Variants in KCNQ1 observed in about 807,000 individuals in gnomAD.
KCNQ1 encodes the protein potassium voltage-gated channel subfamily Q member 1, also known as potassium voltage-gated channel subfamily KQT member 1.
In KCNQ1, 49 loss-of-function variants were observed where a neutral mutation model predicts 72.4. That is an observed-to-expected ratio of 0.68 (90% CI 0.54 to 0.86). The LOEUF (loss-of-function observed/expected upper bound fraction) is 0.86, where lower values mean the gene tolerates loss of function less well. Ranked by LOEUF, KCNQ1 falls within the 40% of genes least tolerant of loss-of-function variation. The pLI is 0.00. For missense variants in KCNQ1, 790 were observed against 945.1 expected, an observed-to-expected ratio of 0.84 and a Z score of 2.15; for synonymous variants, 450 against 412.6, an observed-to-expected ratio of 1.09 and a Z score of -1.10.
In KCNQ1 at chr11:2,734,017, G is replaced by A. The variant is rs569701586; in HGVS notation, c.1515-34827G>A. Among the ~76,000 whole-genome samples the A allele has an allele frequency of 1.4e-3, 217 of 151,986 alleles. 2 individuals carry two copies. The highest frequency in any genetic ancestry group is 0.012 in the South Asian group (59 of 4,806). On this transcript the variant is annotated intron_variant, in intron 11 of 15. Transcript: ENST00000155840. The surrounding 1 kb of genome is among the most constrained non-coding windows in gnomAD (Gnocchi z 7.0). ...AACATCCTCCTCAGAGCAGTTGCGCGCTCTAAATCAGGACCACCTTGCGGT... is the reference window on the plus strand; with the variant it reads ...AACATCCTCCTCAGAGCAGTTGCGCACTCTAAATCAGGACCACCTTGCGGT...
At position 2,495,095 on chromosome 11, in the gene KCNQ1, A is replaced by AT. The variant is rs1395765871; in HGVS notation, c.387-32827dup. On this transcript the variant is annotated intron_variant, in intron 1 of 15. Coordinates refer to ENST00000155840, the MANE Select transcript of KCNQ1 (RefSeq NM_000218.3). The surrounding 1 kb of genome is among the most constrained non-coding windows in gnomAD (Gnocchi z 4.6). ...GGTGTATGTGTCCAGGAATTTATCC[A>AT]TTTTTTCTAGATTTTCTAGTTTATT... Among the ~76,000 whole-genome samples the AT allele has an allele frequency of 6.6e-6, 1 of 151,602 alleles. No homozygotes were observed. Among genetic ancestry groups the AT allele is most frequent in the East Asian group, 1.9e-4 (1 of 5,174 alleles).
intron 11 of KCNQ1, among the ~76,000 whole-genome samples, chr11:2,755,380 A>T (rs1227194937): frequency 6.6e-6 from 1 of 152,188 alleles, no homozygotes; most frequent in East Asian, 1.9e-4. Flanking sequence ...CTTCCTGAGT[A>T]GCTGGGACTA....
rs916542388 is a variant in KCNQ1, at chr11:2,723,628, C to T, written c.1515-45216C>T. On this transcript the variant is annotated intron_variant, in intron 11 of 15. Transcript: ENST00000155840. The surrounding 1 kb of genome is among the most constrained non-coding windows in gnomAD (Gnocchi z 4.2). ...CAAACTCAGCAGCTCGAAGTAGCAA[C>T]AGCCTCGAATCCCTCACACCTAGCG... Among the ~76,000 whole-genome samples, 1 of 152,228 alleles carries T rather than the reference C, an allele frequency of 6.6e-6. No individual in the cohort carries two copies. The highest frequency in any genetic ancestry group is 1.5e-5 in the Non-Finnish European group (1 of 68,044).
At chr11:2,619,883 G>A (rs867294003) in intron 10 of KCNQ1, 9 of 398,196 alleles carry the variant, frequency 2.3e-5, no homozygotes, top group African/African-American at 1.6e-4. Context: ...GATTTAGAGG[G>A]TATATGTACA....
intron 10 of KCNQ1, chr11:2,618,309 A>G (rs1202236334): frequency 5.0e-6 from 2 of 398,276 alleles, no homozygotes; most frequent in Non-Finnish European, 8.8e-6. Context: ...CTGATGGGCT[A>G]AAAAAATGCA....
At chr11:2,701,024 T>A (rs1850802648) in intron 11 of KCNQ1, among the ~76,000 whole-genome samples, 1 of 152,170 alleles carries the variant, frequency 6.6e-6, no homozygotes, top group Non-Finnish European at 1.5e-5. Context: ...TCTGGGTATG[T>A]TCTCGAAAGT....
chr11:2,751,321 G>T (rs1353876570), intron 11 of KCNQ1, among the ~76,000 whole-genome samples: 1 of 152,198 alleles, frequency 6.6e-6, no homozygotes, highest in Admixed American at 6.5e-5. Context: ...CCCACTTGCA[G>T]AGAAAGCCCC....
In KCNQ1 at chr11:2,567,610, G is replaced by A. The variant is rs538327917; in HGVS notation, c.478-3018G>A. On this transcript the variant is annotated intron_variant, in intron 2 of 15. Transcript: ENST00000155840. This position sits in a 1 kb window ranked among gnomAD's most constrained non-coding sequence, Gnocchi z 6.6. ...CTGTTTCCAGCCTAGAGATGGTGAG[G>A]GGACTTTTCCTTGGCTCTTTCCTGG... is the stretch of plus-strand genomic sequence containing the variant. 6.6e-6 allele frequency among the ~76,000 whole-genome samples: 1 copy of A among 152,316 alleles called. No individual in the cohort carries two copies. Among genetic ancestry groups the A allele is most frequent in the South Asian group, 2.1e-4 (1 of 4,830 alleles).
chr11:2,506,331 T>G (rs1419054494), intron 1 of KCNQ1, among the ~76,000 whole-genome samples: 1 of 152,244 alleles, frequency 6.6e-6, no homozygotes, highest in Non-Finnish European at 1.5e-5. Context: ...AATTTGCTTT[T>G]CTCACGTAAT....
At chr11:2,499,881 G>A (rs1203677417) in intron 1 of KCNQ1, among the ~76,000 whole-genome samples, 1 of 152,204 alleles carries the variant, frequency 6.6e-6, no homozygotes, top group East Asian at 1.9e-4. Flanking sequence ...ATTCTCCTCA[G>A]CACATAGCTC....
At chr11:2,655,592 C>T in intron 10 of KCNQ1, 1 of 398,694 alleles carries the variant, frequency 2.5e-6, no homozygotes, top group South Asian at 1.3e-4. Context: ...GGGTGACAAG[C>T]AAGACCTGTT....
chr11:2,681,085 T>C (rs1850389200), intron 11 of KCNQ1: 4 of 398,508 alleles, frequency 1.0e-5, no homozygotes, highest in Non-Finnish European at 1.8e-5. Context: ...ATTTCACTAA[T>C]GATGTGGTTA....
At chr11:2,570,102 G>GCA (rs1848305076) in intron 2 of KCNQ1, among the ~76,000 whole-genome samples, 2 of 139,132 alleles carry the variant, frequency 1.4e-5, no homozygotes, top group African/African-American at 6.9e-5. Context: ...CGGGGTTCCT[G>GCA]GCGTGGGACC....
chr11:2,472,856 C>T (rs942737693), intron 1 of KCNQ1, among the ~76,000 whole-genome samples: 2 of 152,098 alleles, frequency 1.3e-5, no homozygotes, highest in African/African-American at 4.8e-5. Flanking sequence ...TCCTCAGAGG[C>T]ATGGGGGTGA....
chr11:2,522,211 C>T (rs1044384820), intron 1 of KCNQ1, among the ~76,000 whole-genome samples: 13 of 152,270 alleles, frequency 8.5e-5, no homozygotes, highest in Admixed American at 1.3e-4. Flanking sequence ...CCCCGCCCCC[C>T]GCATGACCAC....
At chr11:2,833,346 C>T (rs902911925) in intron 15 of KCNQ1, among the ~76,000 whole-genome samples, 1 of 152,196 alleles carries the variant, frequency 6.6e-6, no homozygotes, top group Non-Finnish European at 1.5e-5. Context: ...CCTCCCCCCA[C>T]CTGCCCACAT....
In KCNQ1 at chr11:2,682,383, A is replaced by G. The variant is rs1383282369; in HGVS notation, c.1514+20302A>G. 2.5e-6 allele frequency: 1 copy of G among 398,550 alleles called. No individual in the cohort carries two copies. The highest frequency in any genetic ancestry group is 2.1e-5 in the African/African-American group (1 of 48,630). 24.7% of individuals were successfully genotyped at this position (398,550 alleles called of 1,614,324 possible). A position where few individuals can be genotyped will look rare whatever the true frequency, so the allele number is the denominator to read the frequency against. On this transcript the variant is annotated intron_variant, in intron 11 of 15. Coordinates refer to ENST00000155840, the MANE Select transcript of KCNQ1 (RefSeq NM_000218.3). This position sits in a 1 kb window ranked among gnomAD's most constrained non-coding sequence, Gnocchi z 5.8. ...GCTCCTTCTATCACATTCAAGGAGC[A>G]TGAGGGTATAGGCTGGCTGTTTCTA... is the stretch of plus-strand genomic sequence containing the variant.
rs1850406522 is a variant in KCNQ1, at chr11:2,682,034, C to T, written c.1514+19953C>T. 2.5e-6 allele frequency: 1 copy of T among 398,618 alleles called. No homozygotes were observed. The highest frequency in any genetic ancestry group is 2.1e-5 in the African/African-American group (1 of 48,738). 24.7% of individuals were successfully genotyped at this position (398,618 alleles called of 1,614,324 possible). On this transcript the variant is annotated intron_variant, in intron 11 of 15. Transcript: ENST00000155840. The surrounding 1 kb of genome is among the most constrained non-coding windows in gnomAD (Gnocchi z 5.8). ...AGCTTTTAACACAAGAATATTATCA[C>T]TCCTGTTTTATAGATAATCTCCTAA... is the stretch of plus-strand genomic sequence containing the variant.
rs901681593 is a variant in KCNQ1, at chr11:2,463,685, G to A, written c.386+18201G>A. ...GCTGAGCTCAACACACAGGGGCTCG[G>A]GGAGGTCTGTGGGTGCCCAGGCCGA... On this transcript the variant is annotated intron_variant, in intron 1 of 15. Coordinates refer to ENST00000155840, the MANE Select transcript of KCNQ1 (RefSeq NM_000218.3). This position sits in a 1 kb window ranked among gnomAD's most constrained non-coding sequence, Gnocchi z 7.0. Among the ~76,000 whole-genome samples the A allele has an allele frequency of 1.3e-5, 2 of 152,204 alleles. No homozygotes were observed. Among genetic ancestry groups the A allele is most frequent in the African/African-American group, 4.8e-5 (2 of 41,446 alleles).
Sources: allele counts gnomAD v4.1 joint callset (sites outside exome capture counted in the v4.1 genomes callset), GRCh38; gene constraint gnomAD v4.1.1; non-coding constraint Gnocchi (gnomAD v3.1); transcripts MANE v1.5; gene names NCBI Gene and HGNC (gene_info 2026-07-23, HGNC 2026-07-21).